Variants in C18orf63 observed in about 807,000 individuals in gnomAD.
The protein encoded by C18orf63 is chromosome 18 open reading frame 63.
C18orf63 carries 50 observed loss-of-function variants against 75.3 expected under a neutral mutation model. That is an observed-to-expected ratio of 0.66 (90% CI 0.53 to 0.84). The LOEUF (loss-of-function observed/expected upper bound fraction) is 0.84. C18orf63 is among the 40% of genes least tolerant of loss of function. C18orf63 has a pLI of 0.00. For synonymous variants in C18orf63, 232 were observed against 267.6 expected, an observed-to-expected ratio of 0.87 and a Z score of 1.30; for missense variants, 732 against 800.2, an observed-to-expected ratio of 0.91 and a Z score of 1.03.
chr18:74,344,758 G>T (rs566249882), intron 11 of C18orf63, among the ~76,000 whole-genome samples: 2 of 152,146 alleles, frequency 1.3e-5, no homozygotes, highest in African/African-American at 4.8e-5. Context: ...GCTATAGTCG[G>T]TTTATTTTCC....
intron 4 of C18orf63, among the ~76,000 whole-genome samples, chr18:74,326,670 G>T (rs140843349): frequency 6.6e-6 from 1 of 152,112 alleles, no homozygotes; most frequent in African/African-American, 2.4e-5. Flanking sequence ...GACTTATCTT[G>T]TTCATTTCCC....
chr18:74,338,339 T>C (rs1191508756), intron 7 of C18orf63, among the ~76,000 whole-genome samples: 1 of 152,066 alleles, frequency 6.6e-6, no homozygotes, highest in African/African-American at 2.4e-5. Flanking sequence ...TCATCCTCCA[T>C]TTAAAAAAAC....
intron 6 of C18orf63, among the ~76,000 whole-genome samples, chr18:74,329,251 T>G (rs948966081): frequency 1.3e-5 from 2 of 151,734 alleles, no homozygotes; most frequent in Non-Finnish European, 2.9e-5. Context: ...GCACCACACC[T>G]GTAGCCCCGT....
chr18:74,316,396 G>T (rs1568233557), intron 1 of C18orf63, among the ~76,000 whole-genome samples: 1 of 152,172 alleles, frequency 6.6e-6, no homozygotes, highest in Admixed American at 6.5e-5. Context: ...CCGGAAGAGG[G>T]GTGGGCGCTC....
At chr18:74,352,599 A>C (rs1004185589) in intron 11 of C18orf63, among the ~76,000 whole-genome samples, 1 of 152,210 alleles carries the variant, frequency 6.6e-6, no homozygotes, top group Non-Finnish European at 1.5e-5. Context: ...CCTGTAGTCA[A>C]AATCCCACTT....
At chr18:74,327,217 C>T (rs1382736417) in intron 4 of C18orf63, among the ~76,000 whole-genome samples, 2 of 152,134 alleles carry the variant, frequency 1.3e-5, no homozygotes, top group Non-Finnish European at 2.9e-5. Flanking sequence ...ACTCCCCAAA[C>T]CTTTATGATT....
In C18orf63 at chr18:74,317,913, T is replaced by G; in HGVS notation, c.48T>G (p.Asp16Glu). 6.5e-7 allele frequency: 1 copy of G among 1,534,856 alleles called. No homozygotes were observed. The highest frequency in any genetic ancestry group is 8.7e-7 in the Non-Finnish European group (1 of 1,145,932). ...QQSLFFITLPDLNKLCAVRII... is the reference protein window; with the variant it reads ...QQSLFFITLPELNKLCAVRII... ...CTCTGTTCTTCATCACACTTCCAGA[T>G]TTAAACAAACTCTGTGCTGTCAGAA... The change falls in exon 2 of 14, where the codon GAT (aspartate) becomes GAG (glutamate). Residue 16 changes from aspartate to glutamate, a missense_variant. Around this residue, in one of 3 missense-constraint regions of C18orf63, gnomAD observed 233 missense variants for 272.7 expected, o/e 0.85. Coordinates refer to ENST00000579455, the MANE Select transcript of C18orf63 (RefSeq NM_001174123.2).
Position 74,317,918 on chromosome 18 carries a change from A to G in C18orf63, c.53A>G (p.Asn18Ser). The change falls in exon 2 of 14, where the codon AAC becomes AGC. Residue 18 changes from asparagine (N) to serine (S), a missense_variant. Around this residue, in one of 3 missense-constraint regions of C18orf63, gnomAD observed 233 missense variants for 272.7 expected, o/e 0.85. Coordinates refer to ENST00000579455, the MANE Select transcript of C18orf63 (RefSeq NM_001174123.2). ...TTCTTCATCACACTTCCAGATTTAA[A>G]CAAACTCTGTGCTGTCAGAATAATA... is the stretch of plus-strand genomic sequence containing the variant. ...SLFFITLPDLNKLCAVRIILS... is the reference protein window; with the variant it reads ...SLFFITLPDLSKLCAVRIILS... 6.5e-7 allele frequency: 1 copy of G among 1,534,572 alleles called. No individual in the cohort carries two copies. The highest frequency in any genetic ancestry group is 8.7e-7 in the Non-Finnish European group (1 of 1,145,710).
chr18:74,337,997 T>G (rs74457057), intron 7 of C18orf63, among the ~76,000 whole-genome samples: 3,588 of 152,236 alleles, frequency 0.024, 128 homozygotes, highest in East Asian at 0.17. Flanking sequence ...GGTGGTTGGT[T>G]AAGAATGGGG....
At chr18:74,350,084 T>C (rs1599009570) in intron 11 of C18orf63, among the ~76,000 whole-genome samples, 1 of 152,034 alleles carries the variant, frequency 6.6e-6, no homozygotes, top group Admixed American at 6.5e-5. Context: ...GGTGTGGGGG[T>C]AGGAGGCCTT....
chr18:74,324,723 C>T (rs1984180245), intron 4 of C18orf63, among the ~76,000 whole-genome samples: 1 of 152,162 alleles, frequency 6.6e-6, no homozygotes, highest in Admixed American at 6.5e-5. Context: ...ATTTTTCCTC[C>T]ACCTTGTTAA....
intron 13 of C18orf63, among the ~76,000 whole-genome samples, chr18:74,356,185 G>A (rs1337968305): frequency 6.6e-6 from 1 of 152,082 alleles, no homozygotes; most frequent in Non-Finnish European, 1.5e-5. Context: ...ATGTATTGTA[G>A]GGGTAAAGTC....
chr18:74,317,754 C>G, intron 1 of C18orf63, 80 bp from the exon 2 acceptor site: 1 of 784,306 alleles, frequency 1.3e-6, no homozygotes, highest in Non-Finnish European at 1.8e-6. Context: ...AAAACAATAT[C>G]AAATATTGTG....
chr18:74,353,948 G>A lies in C18orf63; in HGVS notation c.1681G>A (p.Ala561Thr). The A allele has an allele frequency of 6.5e-7, 1 of 1,536,242 alleles. No homozygotes were observed. The highest frequency in any genetic ancestry group is 1.2e-5 in the South Asian group (1 of 84,062). ...SNNNLGVVKS[A>T]VDFQMKGKEN... ...TAACAATTTAGGGGTGGTAAAAAGT[G>A]CTGTTGACTTCCAAATGAAAGGAAA... is the stretch of plus-strand genomic sequence containing the variant. Residue 561 changes from alanine to threonine, a missense_variant, in exon 12 of 14, where the codon GCT becomes ACT. By Grantham distance (58) the Ala-to-Thr change is moderately conservative (BLOSUM62 0). Transcript: ENST00000579455.
chr18:74,339,897 CA>C (rs1418028169), intron 8 of C18orf63, among the ~76,000 whole-genome samples: 1 of 152,060 alleles, frequency 6.6e-6, no homozygotes, highest in Non-Finnish European at 1.5e-5. Flanking sequence ...TAACAGCTAC[CA>C]AAAACATACT....
At chr18:74,347,181 A>AT (rs1984588329) in intron 11 of C18orf63, among the ~76,000 whole-genome samples, 1 of 152,176 alleles carries the variant, frequency 6.6e-6, no homozygotes, top group Non-Finnish European at 1.5e-5. Context: ...GGTGGTAATG[A>AT]TAAAACTTGT....
rs10163785 is a variant in C18orf63, at chr18:74,322,798, G to T, written c.270+44G>T. ...TATTAATACCATATGTTGTTTATAG[G>T]GATTATACGTTCCACTCCTTTTGTC... is the stretch of plus-strand genomic sequence containing the variant. On this transcript the variant is annotated intron_variant, in intron 4 of 13. Transcript: ENST00000579455. 417,465 of 743,118 alleles carry T rather than the reference G, an allele frequency of 0.56. 118,966 individuals are homozygous for T. Among genetic ancestry groups the T allele is most frequent in the Middle Eastern group, 0.61 (2,424 of 3,954 alleles). 46.0% of individuals were successfully genotyped at this position (743,118 alleles called of 1,614,324 possible). A position where few individuals can be genotyped will look rare whatever the true frequency, so the allele number is the denominator to read the frequency against.
intron 8 of C18orf63, among the ~76,000 whole-genome samples, chr18:74,341,661 TG>T (rs1337659232): frequency 6.6e-6 from 1 of 152,022 alleles, no homozygotes; most frequent in Non-Finnish European, 1.5e-5. Context: ...CCCTCCAGCC[TG>T]GGCAACAGAG....
chr18:74,322,608 C>T, intron 3 of C18orf63, 90 bp from the exon 4 acceptor site: 1 of 394,240 alleles, frequency 2.5e-6, no homozygotes, highest in East Asian at 4.1e-5. Context: ...TCTTTGCCCT[C>T]TGTAGAATAA....
Sources: gnomAD v4.1 joint callset for allele counts (sites outside exome capture counted in the v4.1 genomes callset) on GRCh38, gnomAD v4.1.1 for gene constraint, gnomAD v4.1.1 regional missense constraint, MANE v1.5 for transcripts, NCBI Gene and HGNC (gene_info 2026-07-23, HGNC 2026-07-21) for gene names.